ACADSB: variants seen among roughly 807,000 people sequenced by gnomAD.
The protein encoded by ACADSB is short/branched chain specific acyl-CoA dehydrogenase, mitochondrial.
A neutral mutation model predicts 54.1 loss-of-function variants in ACADSB; 40 were observed. That is an observed-to-expected ratio of 0.74 (90% CI 0.57 to 0.96). The LOEUF is 0.96. ACADSB is among the 40% of genes least tolerant of loss of function. The pLI is 0.00. For missense variants in ACADSB, 530 were observed against 510.4 expected (o/e 1.04, Z -0.37); for synonymous variants, 182 against 182.8 (o/e 1.00, Z 0.03).
chr10:123,021,195 A>G (rs1465647158), intron 1 of ACADSB, among the ~76,000 whole-genome samples: 1 of 152,234 alleles, frequency 6.6e-6, no homozygotes, highest in Non-Finnish European at 1.5e-5. Flanking sequence ...CACCATTAAT[A>G]TTAACCCCAG....
chr10:123,031,790 T>G (rs970409103), intron 1 of ACADSB, among the ~76,000 whole-genome samples: 7 of 152,292 alleles, frequency 4.6e-5, no homozygotes, highest in Non-Finnish European at 8.8e-5. Flanking sequence ...ATTTCTAACC[T>G]TTTTAAGTAC....
chr10:123,031,530 A>G (rs1174350005), intron 1 of ACADSB, among the ~76,000 whole-genome samples: 1 of 152,244 alleles, frequency 6.6e-6, no homozygotes, highest in Non-Finnish European at 1.5e-5. Flanking sequence ...GGCTGAGGTC[A>G]ACACTGAAGG....
chr10:123,052,963 C>G lies in ACADSB; in HGVS notation c.1129-98C>G. 2.2e-6 allele frequency: 2 copies of G among 919,592 alleles called. No individual in the cohort carries two copies. Among genetic ancestry groups the G allele is most frequent in the South Asian group, 2.7e-5 (2 of 74,526 alleles). 57.0% of individuals were successfully genotyped at this position (919,592 alleles called of 1,614,324 possible). On this transcript the variant is annotated intron_variant, in intron 9 of 10. Coordinates refer to ENST00000358776, the MANE Select transcript of ACADSB (RefSeq NM_001609.4). The surrounding 1 kb of genome is among the most constrained non-coding windows in gnomAD (Gnocchi z 4.2). ...GATAACTTTAGTCCTTCCAGTGCCA[C>G]TAACAGTAAATCCATGTTGCTGAAA...
chr10:123,040,183 TAAAAA>T lies in ACADSB; in HGVS notation c.304-269_304-265del, dbSNP rs11363649. On this transcript the variant is annotated intron_variant, in intron 3 of 10. Coordinates refer to ENST00000358776, the MANE Select transcript of ACADSB (RefSeq NM_001609.4). ...CAACATGGCGAAACCCCATCTCTACTAAAAAAAAAAAAAAAAAATTAGCTGGGTGT... is the reference window on the plus strand; with the variant it reads ...CAACATGGCGAAACCCCATCTCTACTAAAAAAAAAAAAATTAGCTGGGTGT... Among the ~76,000 whole-genome samples, 14,175 of 138,910 alleles carry T rather than the reference TAAAAA, an allele frequency of 0.1. 735 individuals carry two copies. Among genetic ancestry groups the T allele is most frequent in the African/African-American group, 0.15 (5,478 of 37,678 alleles). 91.1% of individuals were successfully genotyped at this position (138,910 alleles called of 152,430 possible).
chr10:123,051,450 A>T (rs974279144), intron 9 of ACADSB, among the ~76,000 whole-genome samples: 1 of 152,024 alleles, frequency 6.6e-6, no homozygotes, highest in Non-Finnish European at 1.5e-5. Flanking sequence ...GCCATAGGAA[A>T]ACCTTCAGTT....
chr10:123,009,167 G>A, intron 1 of ACADSB, 96 bp downstream of exon 1: 1 of 1,352,780 alleles, frequency 7.4e-7, no homozygotes, highest in Non-Finnish European at 1.0e-6. Flanking sequence ...TCGGGGCGCC[G>A]GCCTGAGCCC....
chr10:123,016,422 G>A (rs1055205189), intron 1 of ACADSB, among the ~76,000 whole-genome samples: 2 of 152,216 alleles, frequency 1.3e-5, no homozygotes, highest in African/African-American at 4.8e-5. Flanking sequence ...ACACTCAGCA[G>A]TCCATGAGTG....
Position 123,041,271 on chromosome 10 carries a change from A to G in ACADSB, c.573A>G (p.Arg191=). Residue 191 remains arginine (R), a synonymous_variant, in exon 5 of 11, where the codon AGA becomes AGG. Coordinates refer to ENST00000358776, the MANE Select transcript of ACADSB (RefSeq NM_001609.4). ...AGSDSFALKT[R]ADKEGDYYVL... is the part of the protein sequence containing the mutation. ...GTGACTCATTTGCTTTGAAGACCAG[A>G]GCTGATAAAGAGGGAGATTATTATG... is the stretch of plus-strand genomic sequence containing the variant. The G allele has an allele frequency of 6.2e-7, 1 of 1,614,160 alleles. No homozygotes were observed. The highest frequency in any genetic ancestry group is 8.5e-7 in the Non-Finnish European group (1 of 1,180,022).
At chr10:123,034,316 A>G (rs1850367555) in intron 1 of ACADSB, 40 bp from the exon 2 acceptor site, 2 of 1,598,258 alleles carry the variant, frequency 1.3e-6, no homozygotes, top group Middle Eastern at 1.7e-4. Flanking sequence ...AGAAAATGAT[A>G]TTCAAGTACC....
chr10:123,013,451 T>C (rs1260110616), intron 1 of ACADSB, among the ~76,000 whole-genome samples: 1 of 152,250 alleles, frequency 6.6e-6, no homozygotes, highest in Non-Finnish European at 1.5e-5. Context: ...CCAGTGGATC[T>C]TGCACCAGTG....
chr10:123,026,446 C>T (rs1236960925), intron 1 of ACADSB, among the ~76,000 whole-genome samples: 2 of 151,448 alleles, frequency 1.3e-5, no homozygotes, highest in African/African-American at 2.4e-5. Context: ...TGTAGATTTG[C>T]ATAACCACCA....
At chr10:123,019,395 G>C (rs1219863106) in intron 1 of ACADSB, among the ~76,000 whole-genome samples, 2 of 152,182 alleles carry the variant, frequency 1.3e-5, no homozygotes, top group African/African-American at 4.8e-5. Flanking sequence ...TTACATAATT[G>C]TTTTAAAATA....
rs1324349032 is a variant in ACADSB at position 123,057,996 on chromosome 10, A to T, written c.*4231A>T. 1 of 152,228 alleles carries T rather than the reference A, an allele frequency of 6.6e-6. No individual in the cohort carries two copies. Among genetic ancestry groups the T allele is most frequent in the Non-Finnish European group, 1.5e-5 (1 of 68,048 alleles). 9.4% of individuals were successfully genotyped at this position (152,228 alleles called of 1,614,324 possible). ...GAATGAACATTTCAGAAGTGTTAGG[A>T]TTAGTCAGTGTCATCGCTTATGTAT... On this transcript the variant is annotated 3_prime_UTR_variant, in exon 11 of 11. Coordinates refer to ENST00000358776, the MANE Select transcript of ACADSB (RefSeq NM_001609.4).
At chr10:123,037,725 T>C in intron 2 of ACADSB, 22 bp from the exon 3 acceptor site, 2 of 1,500,688 alleles carry the variant, frequency 1.3e-6, no homozygotes, top group South Asian at 1.1e-5. Flanking sequence ...CATAGACTTA[T>C]CAGTAATTCT....
At position 123,052,733 on chromosome 10, in the gene ACADSB, C is replaced by T. The variant is rs1442959672; in HGVS notation, c.1129-328C>T. The T allele has an allele frequency of 6.1e-6, 2 of 325,720 alleles. No homozygotes were observed. The highest frequency in any genetic ancestry group is 7.6e-5 in the East Asian group (1 of 13,080). 20.2% of individuals were successfully genotyped at this position (325,720 alleles called of 1,614,324 possible). On this transcript the variant is annotated intron_variant, in intron 9 of 10. Transcript: ENST00000358776. The surrounding 1 kb of genome is among the most constrained non-coding windows in gnomAD (Gnocchi z 4.2). Reference sequence around the variant, plus strand: ...TCATTCTCCCCTTGGAGGATTTCGACGTGTTGGTCCTCAGCTTGAAATGTC... The same window carrying T: ...TCATTCTCCCCTTGGAGGATTTCGATGTGTTGGTCCTCAGCTTGAAATGTC...
intron 3 of ACADSB, among the ~76,000 whole-genome samples, chr10:123,038,969 G>A (rs990049728): frequency 3.9e-5 from 6 of 152,054 alleles, no homozygotes; most frequent in Admixed American, 2.0e-4. Flanking sequence ...CGCGGTGGTC[G>A]TTCCTGCAGC....
At chr10:123,032,583 CTTTTTTTTTTTT>C (rs889911796) in intron 1 of ACADSB, among the ~76,000 whole-genome samples, 2 of 106,934 alleles carry the variant, frequency 1.9e-5, no homozygotes, top group Non-Finnish European at 3.8e-5. Context: ...AATTTCCATT[CTTTTTTTTTTTT>C]TTTTTTTTTT....
Position 123,043,049 on chromosome 10 carries a change from T to C in ACADSB, c.685T>C (p.Tyr229His), listed in dbSNP as rs758604013. ...VMANVDPTIG[Y>H]KGITSFLVDR... ...GCGTTTTAATTCTTCTTTTTAGGGA[T>C]ATAAGGGAATTACCTCCTTCTTAGT... Residue 229 changes from tyrosine (Y) to histidine (H), a missense_variant, in exon 6 of 11, where the codon TAT becomes CAT. Transcript: ENST00000358776. 6 of 1,613,700 alleles carry C rather than the reference T, an allele frequency of 3.7e-6. No homozygotes were observed. Among genetic ancestry groups the C allele is most frequent in the Non-Finnish European group, 5.1e-6 (6 of 1,179,644 alleles).
chr10:123,049,656 T>C lies in ACADSB; in HGVS notation c.991-1393T>C, dbSNP rs141914547. Among the ~76,000 whole-genome samples the C allele has an allele frequency of 3.1e-3, 478 of 152,318 alleles. 9 individuals are homozygous for C. The highest frequency in any genetic ancestry group is 0.022 in the Admixed American group (335 of 15,306). ...GAAATAGACCCATGCATGCAGCAGA[T>C]TTGATGTATGATAGAAATGGCATTA... On this transcript the variant is annotated intron_variant, in intron 8 of 10. Transcript: ENST00000358776.
Sources: gnomAD v4.1 joint callset for allele counts (sites outside exome capture counted in the v4.1 genomes callset) on GRCh38, gnomAD v4.1.1 for gene constraint, Gnocchi (gnomAD v3.1) non-coding constraint, MANE v1.5 for transcripts, NCBI Gene and HGNC (gene_info 2026-07-23, HGNC 2026-07-21) for gene names.